Variants in DLG5 observed in about 807,000 individuals in gnomAD.
DLG5 encodes the protein disks large homolog 5.
Under a neutral mutation model 189.8 loss-of-function variants are expected in DLG5, and 48 were observed. The ratio of observed to expected loss-of-function variants is 0.25; its 90% CI spans 0.20 to 0.32. The LOEUF (loss-of-function observed/expected upper bound fraction) is 0.32, where lower values mean the gene tolerates loss of function less well. Among genes scored for constraint, DLG5 ranks in the 10% least tolerant of loss-of-function variants. The pLI, the probability that DLG5 is intolerant of heterozygous loss-of-function variation, is 1.00. For missense variants in DLG5, 2,160 were observed against 2,544.7 expected (o/e 0.85, Z 3.25); for synonymous variants, 1,016 against 1,054.1 (o/e 0.96, Z 0.70).
intron 5 of DLG5, among the ~76,000 whole-genome samples, chr10:77,851,218 G>A (rs553875158): frequency 2.4e-4 from 37 of 152,308 alleles, no homozygotes; most frequent in African/African-American, 8.7e-4. Context: ...TTCCTCCACA[G>A]GATTTCTTTT....
rs1198153418 is a variant in DLG5, at chr10:77,796,628, A to C, written c.5165-34T>G. ...GAGAGAGCAGCAGCGTCACGGACCC[A>C]GCTTGGAGTGGAGGACCTGAGTGGG... is the stretch of plus-strand genomic sequence containing the variant. On this transcript the variant is annotated intron_variant, in intron 27 of 31. Coordinates refer to ENST00000372391, the MANE Select transcript of DLG5 (RefSeq NM_004747.4). The surrounding 1 kb of genome is among the most constrained non-coding windows in gnomAD (Gnocchi z 5.2). 6 of 1,611,766 alleles carry C rather than the reference A, an allele frequency of 3.7e-6. No homozygotes were observed. Among genetic ancestry groups the C allele is most frequent in the Non-Finnish European group, 5.1e-6 (6 of 1,178,470 alleles).
In DLG5 at chr10:77,796,092, G is replaced by A; in HGVS notation, c.5405C>T (p.Thr1802Ile). 6.2e-7 allele frequency: 1 copy of A among 1,614,232 alleles called. No homozygotes were observed. The highest frequency in any genetic ancestry group is 8.5e-7 in the Non-Finnish European group (1 of 1,180,048). Residue 1802 changes from threonine (T) to isoleucine (I), a missense_variant, in exon 29 of 32, where the codon ACT (threonine) becomes ATT (isoleucine). Coordinates refer to ENST00000372391, the MANE Select transcript of DLG5 (RefSeq NM_004747.4). This position sits in a 1 kb window ranked among gnomAD's most constrained non-coding sequence, Gnocchi z 5.2. ...TGTGATCTCCTTTATTGACGCCACA[G>A]TGGTCACATCGAAATGGCCGCTTCT... ...KRRSGHFDVT[T>I]VASIKEITEK...
At chr10:77,885,639 G>C (rs1845413889) in intron 1 of DLG5, among the ~76,000 whole-genome samples, 1 of 152,172 alleles carries the variant, frequency 6.6e-6, no homozygotes, top group African/African-American at 2.4e-5. Flanking sequence ...AATGGACTGG[G>C]ACCCTCCAGC....
chr10:77,822,753 G>A (rs1054243271), intron 14 of DLG5, among the ~76,000 whole-genome samples: 4 of 152,046 alleles, frequency 2.6e-5, no homozygotes, highest in Admixed American at 2.0e-4. Context: ...CCCAGACAAC[G>A]GAATATAAAT....
intron 2 of DLG5, among the ~76,000 whole-genome samples, 189 bp from the exon 3 acceptor site, chr10:77,857,081 G>A (rs1231124053): frequency 6.6e-6 from 1 of 152,036 alleles, no homozygotes; most frequent in East Asian, 1.9e-4. Context: ...GTGAGTGCAG[G>A]GCATCTGGCT....
chr10:77,852,872 T>C (rs1449080004), intron 5 of DLG5, among the ~76,000 whole-genome samples: 1 of 152,224 alleles, frequency 6.6e-6, no homozygotes, highest in African/African-American at 2.4e-5. Flanking sequence ...TATGTATGTA[T>C]GTATATGTGC....
chr10:77,819,208 C>G, intron 17 of DLG5, 113 bp downstream of exon 17: 1 of 1,504,196 alleles, frequency 6.6e-7, no homozygotes, highest in Non-Finnish European at 9.1e-7. Context: ...AGTCCCCTCC[C>G]AGGCAGGCAA....
intron 15 of DLG5, 91 bp downstream of exon 15, chr10:77,820,991 G>A: frequency 3.4e-6 from 5 of 1,481,342 alleles, no homozygotes; most frequent in Non-Finnish European, 4.5e-6. Flanking sequence ...CAGGGGCCTG[G>A]GACACTGGTG....
intron 1 of DLG5, among the ~76,000 whole-genome samples, chr10:77,883,691 CTTTTTTTTTTTTT>C (rs36028891): frequency 1.9e-4 from 18 of 96,438 alleles, no homozygotes; most frequent in Non-Finnish European, 3.1e-4. Context: ...TAACATTGTT[CTTTTTTTTTTTTT>C]TTTTTTTTTT....
chr10:77,855,490 T>C (rs1564551908), intron 3 of DLG5, among the ~76,000 whole-genome samples: 1 of 152,224 alleles, frequency 6.6e-6, no homozygotes, highest in Non-Finnish European at 1.5e-5. Context: ...GCACACTACA[T>C]AGTTTCTGTT....
Position 77,926,350 on chromosome 10 carries a change from G to C in DLG5, c.171C>G (p.Leu57=). The change falls in exon 1 of 32, where the codon CTC becomes CTG. Residue 57 remains leucine, a synonymous_variant. Coordinates refer to ENST00000372391, the MANE Select transcript of DLG5 (RefSeq NM_004747.4). The surrounding 1 kb of genome is among the most constrained non-coding windows in gnomAD (Gnocchi z 5.2). ...CCCGCTCCTTGGCCAAGAGCAGCTT[G>C]AGCAGCAGCTCCGCCTTGGCGCCTC... ...EAGGAKAELL[L]KLLLAKERDH... 2.5e-6 allele frequency: 4 copies of C among 1,603,074 alleles called. No individual in the cohort carries two copies. The highest frequency in any genetic ancestry group is 1.7e-4 in the Middle Eastern group (1 of 5,848).
chr10:77,818,117 A>G (rs1450564141), intron 17 of DLG5, among the ~76,000 whole-genome samples: 2 of 152,166 alleles, frequency 1.3e-5, no homozygotes, highest in Non-Finnish European at 2.9e-5. Context: ...GGCGGTCAGT[A>G]TCATACCCAC....
At chr10:77,908,103 G>T (rs1469334332) in intron 1 of DLG5, among the ~76,000 whole-genome samples, 1 of 151,956 alleles carries the variant, frequency 6.6e-6, no homozygotes, top group African/African-American at 2.4e-5. Context: ...GAAAGCAGAG[G>T]TACCCTCAGC....
intron 1 of DLG5, among the ~76,000 whole-genome samples, chr10:77,919,924 T>A (rs1336560911): frequency 6.6e-6 from 1 of 152,168 alleles, no homozygotes; most frequent in African/African-American, 2.4e-5. Context: ...GCATGTATAT[T>A]TGAAGATGAT....
In DLG5 at chr10:77,805,792, C is replaced by A. The variant is rs142141850; in HGVS notation, c.5037G>T (p.Thr1679=). Residue 1679 remains threonine (T), a synonymous_variant, in exon 27 of 32, where the codon ACG becomes ACT. Transcript: ENST00000372391. Reference sequence around the variant, plus strand: ...AGGACCGGCGTGCAGCCGCTGACAGCGTCTTTGTGGCGCTATTGTCATCTT... The same window carrying A: ...AGGACCGGCGTGCAGCCGCTGACAGAGTCTTTGTGGCGCTATTGTCATCTT... ...EVKDDNSATK[T]LSAAARRSFF... 9.9e-6 allele frequency: 16 copies of A among 1,614,088 alleles called. No individual in the cohort carries two copies. Among genetic ancestry groups the A allele is most frequent in the African/African-American group, 1.3e-5 (1 of 74,944 alleles).
chr10:77,821,799 G>T lies in DLG5; in HGVS notation c.2685C>A (p.Phe895Leu), dbSNP rs143290556. ...PSASERSLSS[F>L]RSDASGDRGF... ...CACGGTCCCCAGAGGCATCTGAGCGGAAGGAGCTCAGGCTACGCTCAGAGG... is the reference window on the plus strand; with the variant it reads ...CACGGTCCCCAGAGGCATCTGAGCGTAAGGAGCTCAGGCTACGCTCAGAGG... Residue 895 changes from phenylalanine to leucine, a missense_variant, in exon 15 of 32, where the codon TTC becomes TTA. Phe to Leu is a conservative substitution (Grantham distance 22). This residue lies in a region of DLG5 where 754 missense variants were observed against 746.5 expected (regional missense o/e 1.01). Coordinates refer to ENST00000372391, the MANE Select transcript of DLG5 (RefSeq NM_004747.4). 26 of 1,612,302 alleles carry T rather than the reference G, an allele frequency of 1.6e-5. No homozygotes were observed. In the African/African-American group the frequency reaches 3.3e-4, roughly 21 times the overall value.
intron 23 of DLG5, 108 bp downstream of exon 23, chr10:77,810,986 C>G: frequency 7.1e-7 from 1 of 1,411,482 alleles, no homozygotes; most frequent in East Asian, 2.4e-5. Context: ...GGTGTGCGGC[C>G]TGCAGCACAT....
chr10:77,890,979 A>T (rs922985276), intron 1 of DLG5, among the ~76,000 whole-genome samples: 6 of 152,166 alleles, frequency 3.9e-5, no homozygotes, highest in African/African-American at 1.4e-4. Context: ...CCACTTGCTT[A>T]TCACACCCAG....
At chr10:77,833,809 G>T (rs1842989687) in intron 9 of DLG5, 105 bp downstream of exon 9, 1 of 1,496,142 alleles carries the variant, frequency 6.7e-7, no homozygotes, top group Non-Finnish European at 9.0e-7. Context: ...GACGCAGAAG[G>T]ATGAGGCCCT....
Sources: allele counts gnomAD v4.1 joint callset (sites outside exome capture counted in the v4.1 genomes callset), GRCh38; gene constraint gnomAD v4.1.1; regional missense constraint gnomAD v4.1.1; non-coding constraint Gnocchi (gnomAD v3.1); transcripts MANE v1.5; gene names NCBI Gene and HGNC (gene_info 2026-07-23, HGNC 2026-07-21).